Variants in AVEN observed in about 807,000 individuals in gnomAD.
AVEN encodes the protein cell death regulator Aven.
In AVEN, 41 loss-of-function variants were observed where a neutral mutation model predicts 38.1. The ratio of observed to expected loss-of-function variants is 1.08; its 90% CI spans 0.84 to 1.40. AVEN has a LOEUF of 1.40. Ranked by LOEUF, AVEN falls within the 40% of genes most tolerant of loss-of-function variation. The pLI, the probability that AVEN is intolerant of heterozygous loss-of-function variation, is 0.00. For missense variants in AVEN, 605 were observed against 438.8 expected (o/e 1.38, Z -3.38); for synonymous variants, 206 against 171.8 (o/e 1.20, Z -1.56).
intron 2 of AVEN, among the ~76,000 whole-genome samples, chr15:33,997,175 AG>A (rs1319571775): frequency 1.3e-5 from 2 of 152,246 alleles, no homozygotes; most frequent in Non-Finnish European, 2.9e-5. Context: ...CAGCATAAAC[AG>A]TAGGATAGAA....
chr15:33,958,615 A>G (rs1895052208), intron 2 of AVEN, among the ~76,000 whole-genome samples: 1 of 151,846 alleles, frequency 6.6e-6, no homozygotes, highest in South Asian at 2.1e-4. Context: ...AAGGAAAAGA[A>G]AAGAAAGAAA....
At chr15:33,886,414 T>G (rs1452457882) in intron 2 of AVEN, among the ~76,000 whole-genome samples, 1 of 152,218 alleles carries the variant, frequency 6.6e-6, no homozygotes, top group Admixed American at 6.5e-5. Flanking sequence ...GTGAGTCTCC[T>G]GCCTCACCCT....
intron 4 of AVEN, 63 bp downstream of exon 4, chr15:33,870,872 G>T: frequency 8.4e-7 from 1 of 1,189,166 alleles, no homozygotes; most frequent in South Asian, 1.4e-5. Flanking sequence ...TGAGGGAAGT[G>T]TTCCCCTCTT....
intron 2 of AVEN, among the ~76,000 whole-genome samples, chr15:33,936,629 G>T (rs540116906): frequency 6.6e-6 from 1 of 152,214 alleles, no homozygotes; most frequent in Non-Finnish European, 1.5e-5. Flanking sequence ...GTCTTGTTTT[G>T]TGTGTGTCTG....
chr15:33,876,571 CA>C (rs919388212), intron 2 of AVEN, among the ~76,000 whole-genome samples: 96 of 141,540 alleles, frequency 6.8e-4, no homozygotes, highest in South Asian at 1.1e-3. Context: ...GACCCTATCT[CA>C]AAAAAAAAAA....
chr15:33,897,624 T>A (rs1892291328), intron 2 of AVEN, among the ~76,000 whole-genome samples: 5 of 152,062 alleles, frequency 3.3e-5, no homozygotes, highest in Admixed American at 6.5e-5. Context: ...ATGCCTATAA[T>A]CCCAGCACTT....
intron 2 of AVEN, among the ~76,000 whole-genome samples, chr15:33,997,782 C>G (rs549458474): frequency 1.3e-5 from 2 of 152,222 alleles, no homozygotes; most frequent in East Asian, 3.9e-4. Flanking sequence ...TGCATTTGCT[C>G]TGCTAAACTG....
chr15:33,978,502 A>T (rs1425600171), intron 2 of AVEN, among the ~76,000 whole-genome samples: 1 of 152,024 alleles, frequency 6.6e-6, no homozygotes, highest in Non-Finnish European at 1.5e-5. Context: ...TGTCTCTACT[A>T]AAAATACAAA....
rs1240631999 is a variant in AVEN at position 34,063,636 on chromosome 15, C to T, written n.1127-204G>A. ...GCAGCTCACCACCTGTAGCAGCTAC[C>T]CTTCCTCAGAGGATGAGGACAAGCC... On this transcript the variant is annotated intron_variant and non_coding_transcript_variant, in intron 4 of 11. Coordinates refer to the AVEN transcript ENST00000675287. The surrounding 1 kb of genome is among the most constrained non-coding windows in gnomAD (Gnocchi z 4.1). 3.7e-6 allele frequency: 6 copies of T among 1,613,970 alleles called. No individual in the cohort carries two copies. Among genetic ancestry groups the T allele is most frequent in the Non-Finnish European group, 5.1e-6 (6 of 1,180,018 alleles).
chr15:33,857,691 TTCC>T (rs1262824416), downstream of AVEN: 18 of 1,535,066 alleles, frequency 1.2e-5, no homozygotes, highest in Non-Finnish European at 1.5e-5. Context: ...GTCCTCACTC[TTCC>T]TCCTCGTTTT....
downstream of AVEN, chr15:33,864,093 T>G (rs746860964): frequency 2.9e-5 from 42 of 1,446,552 alleles, no homozygotes; most frequent in Non-Finnish European, 4.0e-5. Flanking sequence ...CGAATGAACT[T>G]GGGTCTTGAC....
At chr15:33,867,431 G>T in intron 5 of AVEN, 64 bp downstream of exon 5, 5 of 1,527,082 alleles carry the variant, frequency 3.3e-6, no homozygotes, top group Non-Finnish European at 3.5e-6. Context: ...ATGTGATGCG[G>T]GCGGGGCTGT....
chr15:33,963,289 G>A (rs1229647142), intron 2 of AVEN, among the ~76,000 whole-genome samples: 1 of 152,148 alleles, frequency 6.6e-6, no homozygotes, highest in African/African-American at 2.4e-5. Flanking sequence ...TGAGATACCT[G>A]TCTATTTAAA....
intron 11 of AVEN, among the ~76,000 whole-genome samples, chr15:33,860,057 G>A (rs2080169592): frequency 6.6e-6 from 1 of 152,148 alleles, no homozygotes; most frequent in African/African-American, 2.4e-5. Context: ...TCCCAGAGAG[G>A]GAGGTAGGGT....
intron 5 of AVEN, among the ~76,000 whole-genome samples, chr15:34,057,143 T>TC (rs34543836): frequency 2.1e-5 from 2 of 97,100 alleles, no homozygotes; most frequent in African/African-American, 6.4e-5. Context: ...TTTTTTTTGG[T>TC]TTTTTTTTTT....
intron 4 of AVEN, chr15:34,065,808 A>C (rs1010035049): frequency 6.6e-6 from 1 of 152,218 alleles, no homozygotes; most frequent in Non-Finnish European, 1.5e-5. Context: ...TTAAAGATGA[A>C]GCACTCCTGT....
chr15:33,912,892 T>G (rs1278632408), intron 2 of AVEN, among the ~76,000 whole-genome samples: 1 of 39,848 alleles, frequency 2.5e-5, no homozygotes, highest in Non-Finnish European at 9.0e-5. Flanking sequence ...GGCATAATTT[T>G]TTTTTTTTTT....
chr15:33,864,595 T>G (rs565930939), downstream of AVEN, among the ~76,000 whole-genome samples: 1 of 151,322 alleles, frequency 6.6e-6, no homozygotes, highest in African/African-American at 2.4e-5. Flanking sequence ...GAGGTGTGCA[T>G]GTGAGAGGAT....
chr15:33,949,409 G>A (rs1894644472), intron 2 of AVEN, among the ~76,000 whole-genome samples: 1 of 152,184 alleles, frequency 6.6e-6, no homozygotes, highest in African/African-American at 2.4e-5. Context: ...GATTTGGGAT[G>A]TTCTCTATAC....
Sources: allele counts gnomAD v4.1 joint callset (sites outside exome capture counted in the v4.1 genomes callset), GRCh38; gene constraint gnomAD v4.1.1; non-coding constraint Gnocchi (gnomAD v3.1); transcripts MANE v1.5; gene names NCBI Gene and HGNC (gene_info 2026-07-23, HGNC 2026-07-21).